Variants in PRELID2 observed in about 807,000 individuals in gnomAD.
PRELID2 encodes the protein PRELI domain-containing protein 2.
A neutral mutation model predicts 28.4 loss-of-function variants in PRELID2; 25 were observed. The ratio of observed to expected loss-of-function variants is 0.88; its 90% CI spans 0.64 to 1.23. PRELID2 has a LOEUF of 1.23. Among genes scored for constraint, PRELID2 ranks in the 50% most tolerant of loss-of-function variants. The pLI is 0.00. For synonymous variants in PRELID2, 76 were observed against 71.6 expected, an observed-to-expected ratio of 1.06 and a Z score of -0.31; for missense variants, 201 against 214.4, an observed-to-expected ratio of 0.94 and a Z score of 0.39.
intron 1 of PRELID2, among the ~76,000 whole-genome samples, chr5:145,650,638 A>G (rs1445289578): frequency 7.5e-6 from 1 of 134,214 alleles, no homozygotes; most frequent in Non-Finnish European, 1.5e-5. Flanking sequence ...CAATATAACA[A>G]CAAGCAAACA....
At chr5:145,414,997 G>C in the PRELID2 span, among the ~76,000 whole-genome samples, 1 of 152,088 alleles carries the variant, frequency 6.6e-6, no homozygotes, top group East Asian at 1.9e-4. Context: ...AAGTGGCTCT[G>C]ATAGATATCT....
chr5:145,463,785 AAC>A, the PRELID2 span, among the ~76,000 whole-genome samples: 4 of 152,210 alleles, frequency 2.6e-5, no homozygotes, highest in African/African-American at 9.6e-5. Context: ...ACCAAAAGAA[AAC>A]AGAGTCCAGT....
At chr5:145,576,991 T>C (rs945655505) in intron 1 of PRELID2, among the ~76,000 whole-genome samples, 2 of 152,132 alleles carry the variant, frequency 1.3e-5, no homozygotes, top group African/African-American at 2.4e-5. Context: ...ATTATGCTTG[T>C]TGCAGCGTTC....
intron 1 of PRELID2, among the ~76,000 whole-genome samples, chr5:145,518,885 T>C (rs1236463029): frequency 2.0e-5 from 3 of 152,208 alleles, no homozygotes; most frequent in Non-Finnish European, 4.4e-5. Flanking sequence ...GTCCAAATTG[T>C]CAATAGTTCT....
At chr5:145,833,314 T>C (rs1038093791) in intron 1 of PRELID2, among the ~76,000 whole-genome samples, 2 of 152,182 alleles carry the variant, frequency 1.3e-5, no homozygotes, top group African/African-American at 2.4e-5. Flanking sequence ...CAGAGTGCCC[T>C]GTGAGTTCTG....
the PRELID2 span, chr5:145,430,048 T>C: frequency 6.6e-6 from 1 of 152,168 alleles, no homozygotes; most frequent in African/African-American, 2.4e-5. Context: ...ACCTATTGGG[T>C]CCTTAGTCTC....
At chr5:145,778,248 T>A (rs1294718396) in intron 5 of PRELID2, among the ~76,000 whole-genome samples, 2 of 151,528 alleles carry the variant, frequency 1.3e-5, no homozygotes, top group South Asian at 4.2e-4. Flanking sequence ...AGAAATAGGA[T>A]TATCAGCTGC....
chr5:145,304,133 T>C, the PRELID2 span, among the ~76,000 whole-genome samples: 3 of 152,124 alleles, frequency 2.0e-5, no homozygotes, highest in South Asian at 2.1e-4. Flanking sequence ...ATTGGCAAAA[T>C]ACAGCAAAAT....
At chr5:145,487,328 A>G (rs1196677404) in intron 1 of PRELID2, among the ~76,000 whole-genome samples, 2 of 152,182 alleles carry the variant, frequency 1.3e-5, no homozygotes, top group East Asian at 3.9e-4. Context: ...TTTCCACTGT[A>G]TTCGGGAGAG....
chr5:145,381,790 A>G, the PRELID2 span: 1 of 152,190 alleles, frequency 6.6e-6, no homozygotes, highest in South Asian at 2.1e-4. Context: ...TCAACCTTCT[A>G]TAACAAAAAT....
At chr5:145,754,879 G>T (rs1201638884), downstream of PRELID2, among the ~76,000 whole-genome samples, 1 of 152,122 alleles carries the variant, frequency 6.6e-6, no homozygotes, top group African/African-American at 2.4e-5. Flanking sequence ...ATGGCAATTA[G>T]CAGAAGCAAT....
At chr5:145,410,359 G>A in the PRELID2 span, among the ~76,000 whole-genome samples, 1 of 152,182 alleles carries the variant, frequency 6.6e-6, no homozygotes, top group Non-Finnish European at 1.5e-5. Context: ...GAAATGATCA[G>A]CAGTGTTAAA....
intron 1 of PRELID2, among the ~76,000 whole-genome samples, chr5:145,749,556 C>A (rs554759277): frequency 6.6e-6 from 1 of 152,108 alleles, no homozygotes; most frequent in Non-Finnish European, 1.5e-5. Flanking sequence ...GACAGTATGG[C>A]GATTCCCCAA....
chr5:145,321,840 G>A, the PRELID2 span, among the ~76,000 whole-genome samples: 2 of 152,198 alleles, frequency 1.3e-5, no homozygotes, highest in Admixed American at 6.5e-5. Flanking sequence ...ACACTAAAAT[G>A]TAATCTAGAA....
chr5:145,609,580 G>A (rs966089973), intron 1 of PRELID2, among the ~76,000 whole-genome samples: 4 of 152,250 alleles, frequency 2.6e-5, no homozygotes, highest in South Asian at 2.1e-4. Flanking sequence ...CCTGCCTGCA[G>A]AGTTTAGGCA....
At chr5:145,400,874 C>T in the PRELID2 span, among the ~76,000 whole-genome samples, 27 of 152,160 alleles carry the variant, frequency 1.8e-4, no homozygotes, top group Non-Finnish European at 3.7e-4. Context: ...AACATTAGGG[C>T]TATGAGGAAC....
intron 1 of PRELID2, among the ~76,000 whole-genome samples, chr5:145,506,301 T>A (rs1173884818): frequency 2.0e-5 from 3 of 152,142 alleles, no homozygotes; most frequent in Non-Finnish European, 4.4e-5. Context: ...TTGTTCCTTC[T>A]CTTAGTCCAC....
At chr5:145,367,195 T>C in the PRELID2 span, among the ~76,000 whole-genome samples, 5 of 151,922 alleles carry the variant, frequency 3.3e-5, no homozygotes, top group Non-Finnish European at 5.9e-5. Context: ...AGAAAAGCCT[T>C]CTTTGACCAC....
the PRELID2 span, among the ~76,000 whole-genome samples, chr5:145,233,360 T>C: frequency 1.3e-5 from 2 of 152,118 alleles, no homozygotes; most frequent in Admixed American, 6.6e-5. Flanking sequence ...TGCTTGTCTC[T>C]CATTCCACAG....
Sources: gnomAD v4.1 joint callset for allele counts (sites outside exome capture counted in the v4.1 genomes callset) on GRCh38, gnomAD v4.1.1 for gene constraint, MANE v1.5 for transcripts, NCBI Gene and HGNC (gene_info 2026-07-23, HGNC 2026-07-21) for gene names.